The following CELF2 variants were observed in gnomAD, a reference collection of about 807,000 sequenced individuals.
The protein encoded by CELF2 is CUG triplet repeat RNA-binding protein 2.
CELF2 carries 8 observed loss-of-function variants against 62.6 expected under a neutral mutation model. The observed-to-expected ratio is 0.13, with a 90% CI of 0.07 to 0.23. The LOEUF is 0.23. Among genes scored for constraint, CELF2 ranks in the 10% least tolerant of loss-of-function variants. CELF2 has a pLI of 1.00. For missense variants in CELF2, 333 were observed against 671.0 expected, an observed-to-expected ratio of 0.50 and a Z score of 5.56; for synonymous variants, 258 against 250.0, an observed-to-expected ratio of 1.03 and a Z score of -0.30.
intron 2 of CELF2, among the ~76,000 whole-genome samples, chr10:10,939,929 G>C (rs1218022635): frequency 6.6e-6 from 1 of 152,176 alleles, no homozygotes; most frequent in African/African-American, 2.4e-5. Context: ...ACTCTAGCCT[G>C]GGTGACAGAG....
chr10:11,045,654 A>G (rs2062685088), intron 1 of CELF2, among the ~76,000 whole-genome samples: 1 of 152,236 alleles, frequency 6.6e-6, no homozygotes, highest in South Asian at 2.1e-4. Flanking sequence ...AATGACTCTC[A>G]GGTAAAGAGT....
chr10:10,736,396 C>CTTTT, the CELF2 span, among the ~76,000 whole-genome samples: 6 of 76,012 alleles, frequency 7.9e-5, no homozygotes, highest in African/African-American at 3.0e-4. Context: ...TTCTTTCTTT[C>CTTTT]TTTTTTTTTT....
chr10:10,877,434 C>T (rs1056847723), intron 1 of CELF2, among the ~76,000 whole-genome samples: 7 of 152,222 alleles, frequency 4.6e-5, no homozygotes, highest in African/African-American at 1.7e-4. Context: ...GGGGAGAGTG[C>T]TTCCAGGTCG....
chr10:10,751,927 G>A, the CELF2 span, among the ~76,000 whole-genome samples: 13 of 152,270 alleles, frequency 8.5e-5, no homozygotes, highest in Non-Finnish European at 2.9e-5. Flanking sequence ...TTTGATTAAA[G>A]TTTAAAATAC....
chr10:10,481,075 A>C, the CELF2 span, among the ~76,000 whole-genome samples: 1 of 152,162 alleles, frequency 6.6e-6, no homozygotes, highest in Admixed American at 6.5e-5. Flanking sequence ...GGGGTAAAAA[A>C]AGATCTTGCT....
chr10:11,121,891 C>T (rs1369644754), intron 1 of CELF2, among the ~76,000 whole-genome samples: 2 of 152,078 alleles, frequency 1.3e-5, no homozygotes, highest in Non-Finnish European at 2.9e-5. Context: ...AGACGATGTA[C>T]ATTTAACTGA....
chr10:10,887,727 A>G (rs138504288), intron 1 of CELF2, among the ~76,000 whole-genome samples: 2,925 of 152,074 alleles, frequency 0.019, 43 homozygotes, highest in Middle Eastern at 0.054. Context: ...TGTCTGGGAA[A>G]CTTTTCAGAG....
At position 11,178,496 on chromosome 10, in the gene CELF2, GAC is replaced by G. The variant is rs1409433417; in HGVS notation, c.271+12819_271+12820del. ...GGGGAAAGGTAATGAATAAATTAAA[GAC>G]ACACTTTTGTAATCGTATATTTTAG... On this transcript the variant is annotated intron_variant, in intron 2 of 12. Coordinates refer to ENST00000633077, the MANE Select transcript of CELF2 (RefSeq NM_001326342.2). The surrounding 1 kb of genome is among the most constrained non-coding windows in gnomAD (Gnocchi z 4.3). Among the ~76,000 whole-genome samples, 2 of 152,358 alleles carry G rather than the reference GAC, an allele frequency of 1.3e-5. No homozygotes were observed. Among genetic ancestry groups the G allele is most frequent in the East Asian group, 3.9e-4 (2 of 5,192 alleles).
the CELF2 span, among the ~76,000 whole-genome samples, chr10:10,653,464 G>A: frequency 2.1e-5 from 3 of 146,018 alleles, no homozygotes; most frequent in Non-Finnish European, 3.0e-5. Context: ...CACATACTTG[G>A]AAGTAAAGCT....
At chr10:10,765,844 C>T in the CELF2 span, among the ~76,000 whole-genome samples, 1 of 152,130 alleles carries the variant, frequency 6.6e-6, no homozygotes, top group Non-Finnish European at 1.5e-5. Flanking sequence ...TCCCATTTCT[C>T]ATCATCATCA....
rs1349575765 is a variant in CELF2 at position 11,314,235 on chromosome 10, T to C, written c.1073T>C (p.Leu358Pro). 3 of 1,614,210 alleles carry C rather than the reference T, an allele frequency of 1.9e-6. No homozygotes were observed. Among genetic ancestry groups the C allele is most frequent in the Non-Finnish European group, 2.5e-6 (3 of 1,180,026 alleles). ...LQGLAGATVG[L>P]NNINALAVAQ... ...GGACTGGCTGGAGCCACTGTTGGAC[T>C]GAATAATATTAATGCACTAGCAGGT... The change falls in exon 10 of 13, where the codon CTG (leucine) becomes CCG (proline). Residue 358 changes from leucine (L) to proline (P), a missense_variant. Leu to Pro is a moderately conservative substitution (Grantham distance 98). Around this residue, in one of 3 missense-constraint regions of CELF2, gnomAD observed 253 missense variants for 503.0 expected, o/e 0.50. Transcript: ENST00000633077. The surrounding 1 kb of genome is among the most constrained non-coding windows in gnomAD (Gnocchi z 5.3).
chr10:10,905,705 G>GTC (rs1345106183), intron 1 of CELF2, among the ~76,000 whole-genome samples: 1 of 151,986 alleles, frequency 6.6e-6, no homozygotes, highest in Non-Finnish European at 1.5e-5. Flanking sequence ...GTGGAACCCT[G>GTC]TCTCTACTAA....
the CELF2 span, among the ~76,000 whole-genome samples, chr10:10,590,164 C>CGT: frequency 6.6e-6 from 1 of 151,988 alleles, no homozygotes; most frequent in Non-Finnish European, 1.5e-5. Context: ...TGTGCATGCA[C>CGT]ACACACACAC....
At chr10:10,590,161 G>GCACACACA in the CELF2 span, among the ~76,000 whole-genome samples, 1 of 150,054 alleles carries the variant, frequency 6.7e-6, no homozygotes, top group African/African-American at 2.4e-5. Flanking sequence ...ACATGTGCAT[G>GCACACACA]CACACACACA....
At chr10:10,621,357 G>C in the CELF2 span, among the ~76,000 whole-genome samples, 1 of 152,174 alleles carries the variant, frequency 6.6e-6, no homozygotes, top group East Asian at 1.9e-4. Flanking sequence ...TTTGGGAAGA[G>C]CTAGTTTGTT....
At chr10:10,820,119 C>G (rs1354467358) in intron 1 of CELF2, among the ~76,000 whole-genome samples, 1 of 152,148 alleles carries the variant, frequency 6.6e-6, no homozygotes, top group Non-Finnish European at 1.5e-5. Flanking sequence ...TCATTTTTCT[C>G]TTGCCACCAC....
At chr10:11,092,403 G>A (rs1393714632) in intron 1 of CELF2, 3 of 152,132 alleles carry the variant, frequency 2.0e-5, no homozygotes, top group Admixed American at 2.0e-4. Flanking sequence ...GCACTGTAGG[G>A]GAGAAAACAT....
At chr10:10,551,782 T>C in the CELF2 span, among the ~76,000 whole-genome samples, 1 of 152,126 alleles carries the variant, frequency 6.6e-6, no homozygotes, top group African/African-American at 2.4e-5. Context: ...GCGCTGGTTT[T>C]CAGGTGCTTT....
chr10:10,607,579 T>C, the CELF2 span, among the ~76,000 whole-genome samples: 18 of 152,356 alleles, frequency 1.2e-4, no homozygotes, highest in African/African-American at 4.3e-4. Context: ...GGGGATTAGT[T>C]ACTTTTTCTC....
Sources: gnomAD v4.1 joint callset for allele counts (sites outside exome capture counted in the v4.1 genomes callset) on GRCh38, gnomAD v4.1.1 for gene constraint, gnomAD v4.1.1 regional missense constraint, Gnocchi (gnomAD v3.1) non-coding constraint, MANE v1.5 for transcripts, NCBI Gene and HGNC (gene_info 2026-07-23, HGNC 2026-07-21) for gene names.